The following NPEPPS variants were observed in gnomAD, a reference collection of about 807,000 sequenced individuals.
NPEPPS encodes aminopeptidase puromycin sensitive.
Under a neutral mutation model 115.5 loss-of-function variants are expected in NPEPPS, and 14 were observed. The observed-to-expected ratio is 0.12, with a 90% CI of 0.08 to 0.19. The LOEUF is 0.19. Among genes scored for constraint, NPEPPS ranks in the 10% least tolerant of loss-of-function variants. The probability of loss-of-function intolerance (pLI) is 1.00; values close to 1 mark genes in which losing one functional copy is unlikely to be tolerated. For synonymous variants in NPEPPS, 285 were observed against 390.6 expected, an observed-to-expected ratio of 0.73 and a Z score of 3.19; for missense variants, 523 against 1,110.8, an observed-to-expected ratio of 0.47 and a Z score of 7.52.
chr17:47,605,041 T>G (rs1485345567), intron 16 of NPEPPS, among the ~76,000 whole-genome samples: 1 of 152,208 alleles, frequency 6.6e-6, no homozygotes, highest in Non-Finnish European at 1.5e-5. Context: ...AGTGGTTTGT[T>G]GTTGTTCTCA....
At chr17:47,549,028 C>T (rs1383735635) in intron 2 of NPEPPS, among the ~76,000 whole-genome samples, 3 of 151,950 alleles carry the variant, frequency 2.0e-5, no homozygotes, top group East Asian at 1.9e-4. Context: ...TCTGATAAAA[C>T]GTTAAATTAT....
At chr17:47,565,279 G>A (rs1378222019) in intron 2 of NPEPPS, among the ~76,000 whole-genome samples, 2 of 152,134 alleles carry the variant, frequency 1.3e-5, no homozygotes, top group Non-Finnish European at 2.9e-5. Context: ...GGGAGGCCGA[G>A]GCTGGTGGAT....
At chr17:47,531,867 T>TC (rs941480827) in intron 1 of NPEPPS, among the ~76,000 whole-genome samples, 3 of 151,726 alleles carry the variant, frequency 2.0e-5, no homozygotes, top group Non-Finnish European at 4.4e-5. Context: ...TGTGGGGCTT[T>TC]CCCCCCCGCC....
intron 22 of NPEPPS, among the ~76,000 whole-genome samples, chr17:47,621,407 T>TC (rs1914564570): frequency 3.3e-5 from 5 of 152,168 alleles, no homozygotes; most frequent in Admixed American, 6.6e-5. Flanking sequence ...AAACTGAGAC[T>TC]TAGAGCAGTT....
At chr17:47,537,429 C>T (rs1304493699) in intron 1 of NPEPPS, among the ~76,000 whole-genome samples, 13 of 152,232 alleles carry the variant, frequency 8.5e-5, no homozygotes, top group African/African-American at 3.1e-4. Flanking sequence ...TGTGGTGGCT[C>T]ACGCCTGTAA....
chr17:47,618,934 C>A, intron 20 of NPEPPS, 75 bp from the exon 21 acceptor site: 2 of 1,340,168 alleles, frequency 1.5e-6, no homozygotes, highest in Non-Finnish European at 2.1e-6. Flanking sequence ...ACTTCAGTGT[C>A]ACAGTATGGT....
chr17:47,528,215 T>C (rs1907518163), upstream of NPEPPS, among the ~76,000 whole-genome samples: 1 of 151,790 alleles, frequency 6.6e-6, no homozygotes, highest in Admixed American at 6.6e-5. Flanking sequence ...GGCAGGAGAA[T>C]TGCTTGAACC....
intron 1 of NPEPPS, among the ~76,000 whole-genome samples, chr17:47,533,053 G>A (rs1224736614): frequency 6.6e-6 from 1 of 152,286 alleles, no homozygotes; most frequent in East Asian, 1.9e-4. Context: ...ACTGGTGCTC[G>A]AATGAATTGA....
intron 2 of NPEPPS, among the ~76,000 whole-genome samples, chr17:47,555,613 C>G (rs1909951144): frequency 6.6e-6 from 1 of 151,694 alleles, no homozygotes; most frequent in South Asian, 2.1e-4. Context: ...TCCCGCAGTG[C>G]TGGGATTACA....
At chr17:47,543,868 CTAGT>C (rs1415978222) in intron 1 of NPEPPS, among the ~76,000 whole-genome samples, 1,329 of 128,428 alleles carry the variant, frequency 0.01, 5 homozygotes, top group Non-Finnish European at 0.016. Context: ...GACCAAGATG[CTAGT>C]TTGTTTGTTT....
chr17:47,593,130 A>G (rs998161415), intron 12 of NPEPPS, among the ~76,000 whole-genome samples: 1 of 152,258 alleles, frequency 6.6e-6, no homozygotes, highest in East Asian at 1.9e-4. Flanking sequence ...ATGAAATTCA[A>G]AACATTTCTG....
intron 9 of NPEPPS, among the ~76,000 whole-genome samples, 151 bp downstream of exon 9, chr17:47,587,495 A>C (rs2611867): frequency 6.7e-6 from 1 of 150,250 alleles, no homozygotes; most frequent in Non-Finnish European, 1.5e-5. Context: ...CACTTTGAAA[A>C]GGCTTATCAG....
intron 20 of NPEPPS, 118 bp downstream of exon 20, chr17:47,618,575 A>G: frequency 1.5e-6 from 1 of 673,056 alleles, no homozygotes. Flanking sequence ...TTCCTTTTCC[A>G]GAGTAACTGG....
At chr17:47,538,442 G>A (rs1288233578) in intron 1 of NPEPPS, among the ~76,000 whole-genome samples, 2 of 149,314 alleles carry the variant, frequency 1.3e-5, no homozygotes, top group African/African-American at 4.9e-5. Flanking sequence ...TCAAACACCC[G>A]ACCTCAGGTG....
At chr17:47,612,064 A>G (rs1913905006) in intron 17 of NPEPPS, among the ~76,000 whole-genome samples, 2 of 152,200 alleles carry the variant, frequency 1.3e-5, no homozygotes, top group Non-Finnish European at 2.9e-5. Context: ...TTTAAAATCT[A>G]AGATTTCAAT....
At chr17:47,589,871 C>G (rs985205968) in intron 9 of NPEPPS, among the ~76,000 whole-genome samples, 1 of 152,060 alleles carries the variant, frequency 6.6e-6, no homozygotes, top group South Asian at 2.1e-4. Context: ...TTATTTGGCT[C>G]TGATAGTTTT....
rs1183212431 is a variant in NPEPPS, at chr17:47,623,107, T to TA, written c.*1194dup. 7.8e-6 allele frequency: 2 copies of TA among 257,614 alleles called. No individual in the cohort carries two copies. Among genetic ancestry groups the TA allele is most frequent in the African/African-American group, 4.7e-5 (2 of 42,900 alleles). The allele number at this position is 257,614 out of a possible 1,614,324, so 16.0% of individuals were successfully genotyped here. A position where few individuals can be genotyped will look rare whatever the true frequency, so the allele number is the denominator to read the frequency against. Reference sequence around the variant, plus strand: ...CCCTACCTTTTTTTTCTTTTTTTCTTAAAAAAATATTTTGTGTTATTAACA... The same window carrying TA: ...CCCTACCTTTTTTTTCTTTTTTTCTTAAAAAAAATATTTTGTGTTATTAACA... On this transcript the variant is annotated 3_prime_UTR_variant, in exon 23 of 23. Transcript: ENST00000322157.
At chr17:47,536,479 G>A (rs376115560) in intron 1 of NPEPPS, among the ~76,000 whole-genome samples, 7 of 140,202 alleles carry the variant, frequency 5.0e-5, no homozygotes, top group East Asian at 4.3e-4. Flanking sequence ...CGCAGCCTCT[G>A]CCCCCCCAGG....
intron 1 of NPEPPS, among the ~76,000 whole-genome samples, chr17:47,539,077 C>G (rs1460266909): frequency 6.8e-6 from 1 of 147,012 alleles, no homozygotes. Context: ...TTTGTATCAC[C>G]TATTTTGGCT....
Sources: gnomAD v4.1 joint callset for allele counts (sites outside exome capture counted in the v4.1 genomes callset) on GRCh38, gnomAD v4.1.1 for gene constraint, MANE v1.5 for transcripts, NCBI Gene and HGNC (gene_info 2026-07-23, HGNC 2026-07-21) for gene names.